WNT2B: variants seen among roughly 807,000 people sequenced by gnomAD.
WNT2B encodes Wnt family member 2B.
A neutral mutation model predicts 40.5 loss-of-function variants in WNT2B; 19 were observed. That is an observed-to-expected ratio of 0.47 (90% CI 0.33 to 0.69). WNT2B has a LOEUF of 0.69. WNT2B is among the 30% of genes least tolerant of loss of function. The pLI, the probability that WNT2B is intolerant of heterozygous loss-of-function variation, is 0.02. For missense variants in WNT2B, 467 were observed against 556.4 expected (o/e 0.84, Z 1.62); for synonymous variants, 220 against 211.9 (o/e 1.04, Z -0.33).
At chr1:112,476,069 A>G (rs1651046122) in intron 1 of WNT2B, among the ~76,000 whole-genome samples, 1 of 152,222 alleles carries the variant, frequency 6.6e-6, no homozygotes, top group Admixed American at 6.5e-5. Context: ...GTCTCAATAC[A>G]TTTTAAAAGA....
In WNT2B at chr1:112,500,721, G is replaced by A. The variant is rs935361874; in HGVS notation, c.-94-14153G>A. The stretch of plus-strand genomic sequence containing the variant: ...CAGGAGTTCAGGGCAAGCCATGATC[G>A]TGCCACTACACTCCAGCTTGGGCAA... On this transcript the variant is annotated intron_variant, in intron 1 of 4. Coordinates refer to the WNT2B transcript ENST00000256640. 6.6e-5 allele frequency among the ~76,000 whole-genome samples: 10 copies of A among 152,256 alleles called. No individual in the cohort carries two copies. The East Asian group carries it at 9.6e-4, about 15-fold the overall frequency.
Position 112,482,390 on chromosome 1 carries a change from C to T in WNT2B, c.-95+14799C>T, listed in dbSNP as rs139696346. Among the ~76,000 whole-genome samples the T allele has an allele frequency of 3.0e-3, 459 of 152,266 alleles. 2 individuals are homozygous for T. Among genetic ancestry groups the T allele is most frequent in the African/African-American group, 0.01 (434 of 41,542 alleles). On this transcript the variant is annotated intron_variant, in intron 1 of 4. Transcript: ENST00000256640. ...TTGCTCTGTCACCCAGGCTGCAGTG[C>T]AGTGATGTTATCATAGCTCACTGTA...
chr1:112,470,135 T>G (rs1364584701), intron 1 of WNT2B, among the ~76,000 whole-genome samples: 1 of 152,258 alleles, frequency 6.6e-6, no homozygotes, highest in East Asian at 1.9e-4. Context: ...ATTGAAGAAC[T>G]CTTTTTAGCA....
intron 1 of WNT2B, among the ~76,000 whole-genome samples, chr1:112,500,242 A>G (rs1651907104): frequency 6.6e-6 from 1 of 152,166 alleles, no homozygotes; most frequent in Non-Finnish European, 1.5e-5. Context: ...ACATTATCAC[A>G]CCAGACTGAA....
At chr1:112,480,194 C>T (rs1028185071) in intron 1 of WNT2B, among the ~76,000 whole-genome samples, 7 of 151,696 alleles carry the variant, frequency 4.6e-5, no homozygotes, top group African/African-American at 1.5e-4. Flanking sequence ...TGGTGAAATC[C>T]TATCTCTACT....
chr1:112,473,784 T>C (rs1192536094), intron 1 of WNT2B, among the ~76,000 whole-genome samples: 1 of 151,726 alleles, frequency 6.6e-6, no homozygotes, highest in Non-Finnish European at 1.5e-5. Context: ...CGGCTGGGCA[T>C]AGTGGCTCAT....
At position 112,509,426 on chromosome 1, in the gene WNT2B, G is replaced by T. The variant is rs752190185; in HGVS notation, c.164G>T (p.Arg55Leu). 2.5e-6 allele frequency: 4 copies of T among 1,592,042 alleles called. No homozygotes were observed. Among genetic ancestry groups the T allele is most frequent in the Non-Finnish European group, 3.4e-6 (4 of 1,175,878 alleles). ...CTGCTGCTGCTGACGCTGCCGGCCCGCGTAGACACGTCCTGGTGGTAAGTG... is the reference window on the plus strand; with the variant it reads ...CTGCTGCTGCTGACGCTGCCGGCCCTCGTAGACACGTCCTGGTGGTAAGTG... ...LLLLLLTLPA[R>L]VDTSWWYIGA... The change falls in exon 1 of 5, where the codon CGC (arginine) becomes CTC (leucine). Residue 55 changes from arginine (R) to leucine (L), a missense_variant. By Grantham distance (102) the Arg-to-Leu change is moderately radical (BLOSUM62 -2). This residue lies in a region of WNT2B where 137 missense variants were observed against 117.7 expected (regional missense o/e 1.16). Transcript: ENST00000369684. The surrounding 1 kb of genome is among the most constrained non-coding windows in gnomAD (Gnocchi z 4.2).
intron 1 of WNT2B, chr1:112,491,081 G>T (rs760065435): frequency 6.2e-7 from 1 of 1,612,366 alleles, no homozygotes; most frequent in East Asian, 2.2e-5. Context: ...TGTTTGCAAA[G>T]GTACATGATA....
In WNT2B at chr1:112,526,282, C is replaced by A; in HGVS notation, c.*5773C>A. 1.4e-6 allele frequency: 1 copy of A among 713,136 alleles called. No homozygotes were observed. The highest frequency in any genetic ancestry group is 2.6e-5 in the East Asian group (1 of 38,278). 44.2% of individuals were successfully genotyped at this position (713,136 alleles called of 1,614,324 possible). ...ACTATTACCACCAGTACCATGTGAC[C>A]ACTATACAACATATTCCACATTTAA... On this transcript the variant is annotated 3_prime_UTR_variant, in exon 5 of 5. Coordinates refer to ENST00000369684, the MANE Select transcript of WNT2B (RefSeq NM_024494.3).
At chr1:112,474,355 A>G (rs1650991108) in intron 1 of WNT2B, among the ~76,000 whole-genome samples, 1 of 151,882 alleles carries the variant, frequency 6.6e-6, no homozygotes, top group Non-Finnish European at 1.5e-5. Context: ...TCACCGCGTT[A>G]GCCAGGATGG....
chr1:112,517,023 C>T (rs1652583887), intron 3 of WNT2B, 98 bp from the exon 4 acceptor site: 1 of 1,508,540 alleles, frequency 6.6e-7, no homozygotes, highest in Non-Finnish European at 9.0e-7. Context: ...AGGGCCAGGT[C>T]CAGCCTATCT....
chr1:112,471,321 G>A (rs1650874511), intron 1 of WNT2B, among the ~76,000 whole-genome samples: 1 of 152,224 alleles, frequency 6.6e-6, no homozygotes, highest in Non-Finnish European at 1.5e-5. Context: ...GACTGCAGCA[G>A]TCTGCAGCAG....
chr1:112,495,405 G>A (rs796075970), intron 1 of WNT2B, among the ~76,000 whole-genome samples: 15 of 151,864 alleles, frequency 9.9e-5, no homozygotes, highest in Middle Eastern at 3.4e-3. Context: ...TGAAACCCCC[G>A]TCTCTACTAA....
chr1:112,508,404 C>G (rs1229877215), upstream of WNT2B, among the ~76,000 whole-genome samples: 2 of 151,350 alleles, frequency 1.3e-5, no homozygotes, highest in African/African-American at 4.9e-5. This position sits in a 1 kb window ranked among gnomAD's most constrained non-coding sequence, Gnocchi z 4.2. Flanking sequence ...GGTGCAGTGG[C>G]TCAGAAGAAG....
chr1:112,478,829 A>G (rs1349541063), intron 1 of WNT2B, among the ~76,000 whole-genome samples: 1 of 152,210 alleles, frequency 6.6e-6, no homozygotes, highest in Admixed American at 6.5e-5. Context: ...AGGCTGAGGC[A>G]GGAGGCTTGC....
Position 112,524,816 on chromosome 1 carries a change from G to A in WNT2B, c.*4307G>A, listed in dbSNP as rs947449054. 6.6e-6 allele frequency: 1 copy of A among 152,034 alleles called. No individual in the cohort carries two copies. The allele number at this position is 152,034 out of a possible 1,614,324, so 9.4% of individuals were successfully genotyped here. ...TAGAGAACTTCTCTCAGGCTGCATA[G>A]GAGTTCTGCTCATCCTCCTCTCCCC... On this transcript the variant is annotated 3_prime_UTR_variant, in exon 5 of 5. Coordinates refer to ENST00000369684, the MANE Select transcript of WNT2B (RefSeq NM_024494.3).
chr1:112,468,254 G>A (rs1650765852), intron 1 of WNT2B, among the ~76,000 whole-genome samples: 1 of 152,166 alleles, frequency 6.6e-6, no homozygotes, highest in Non-Finnish European at 1.5e-5. Flanking sequence ...GAGTCGTGCT[G>A]TAATACACAT....
Position 112,526,329 on chromosome 1 carries a change from A to T in WNT2B, c.*5820A>T. ...TTAAACAACTCTGGCTCCTAATTCT[A>T]CTCCTTTTTTCCCCTTCAGATTAAC... On this transcript the variant is annotated 3_prime_UTR_variant, in exon 5 of 5. Coordinates refer to ENST00000369684, the MANE Select transcript of WNT2B (RefSeq NM_024494.3). 6.5e-6 allele frequency: 3 copies of T among 462,576 alleles called. No homozygotes were observed. The highest frequency in any genetic ancestry group is 7.4e-6 in the Non-Finnish European group (2 of 268,512). The allele number at this position is 462,576 out of a possible 1,614,324, so 28.7% of individuals were successfully genotyped here. A position where few individuals can be genotyped will look rare whatever the true frequency, so the allele number is the denominator to read the frequency against.
intron 1 of WNT2B, among the ~76,000 whole-genome samples, chr1:112,498,584 ATTTTGCCTTCCAC>A (rs1651852707): frequency 6.6e-6 from 1 of 151,494 alleles, no homozygotes; most frequent in Admixed American, 6.6e-5. Context: ...CCACTCTTAA[ATTTTGCCTTCCAC>A]TAAATTCTAG....
Sources: allele counts gnomAD v4.1 joint callset (sites outside exome capture counted in the v4.1 genomes callset), GRCh38; gene constraint gnomAD v4.1.1; regional missense constraint gnomAD v4.1.1; non-coding constraint Gnocchi (gnomAD v3.1); transcripts MANE v1.5; gene names NCBI Gene and HGNC (gene_info 2026-07-23, HGNC 2026-07-21).